The following ROBO2 variants were observed in gnomAD, a reference collection of about 807,000 sequenced individuals.
ROBO2 encodes the protein roundabout guidance receptor 2.
A neutral mutation model predicts 160.8 loss-of-function variants in ROBO2; 53 were observed. The ratio of observed to expected loss-of-function variants is 0.33; its 90% CI spans 0.26 to 0.41. The LOEUF (loss-of-function observed/expected upper bound fraction) is 0.41, where lower values mean the gene tolerates loss of function less well. Ranked by LOEUF, ROBO2 falls within the 10% of genes least tolerant of loss-of-function variation. The pLI is 1.00. For missense variants in ROBO2, 1,577 were observed against 1,722.4 expected (o/e 0.92, Z 1.49); for synonymous variants, 664 against 611.7 (o/e 1.09, Z -1.26).
intron 2 of ROBO2, among the ~76,000 whole-genome samples, chr3:75,965,246 G>A (rs1419968412): frequency 6.6e-6 from 1 of 151,722 alleles, no homozygotes; most frequent in African/African-American, 2.4e-5. Flanking sequence ...TTTCACTACT[G>A]TTTAAACCCA....
chr3:76,593,805 A>G lies in ROBO2; in HGVS notation c.110-504209A>G, dbSNP rs184971455. Among the ~76,000 whole-genome samples the G allele has an allele frequency of 4.6e-5, 7 of 152,006 alleles. No homozygotes were observed. In the East Asian group the frequency reaches 1.2e-3, roughly 25 times the overall value. ...TAGCAGCTTCATGTTTATTTATTAT[A>G]TTTTTGGAGATGTTTTACTAGATGC... On this transcript the variant is annotated intron_variant, in intron 2 of 26. Coordinates refer to the ROBO2 transcript ENST00000487694.
At position 76,040,918 on chromosome 3, in the gene ROBO2, G is replaced by A. The variant is rs899981671; in HGVS notation, c.109+103316G>A. On this transcript the variant is annotated intron_variant, in intron 2 of 26. Transcript: ENST00000487694. The stretch of plus-strand genomic sequence containing the variant: ...GGCAGGAGAATTGCTTGAACTGGGA[G>A]GGGGAGGTTGCAGTGAGCTGAGATC... 2.0e-5 allele frequency among the ~76,000 whole-genome samples: 3 copies of A among 151,996 alleles called. No homozygotes were observed. The South Asian group carries it at 6.2e-4, about 31-fold the overall frequency.
chr3:76,941,846 T>G (rs2078209267), intron 2 of ROBO2, among the ~76,000 whole-genome samples: 2 of 152,304 alleles, frequency 1.3e-5, no homozygotes, highest in East Asian at 3.9e-4. Context: ...CCTAGTAAAT[T>G]TACTTTGACT....
At chr3:77,129,050 C>T (rs760370085) in intron 2 of ROBO2, among the ~76,000 whole-genome samples, 2 of 151,820 alleles carry the variant, frequency 1.3e-5, no homozygotes, top group Non-Finnish European at 2.9e-5. Flanking sequence ...TTGTGAATTG[C>T]CTATTTATGT....
chr3:76,913,208 T>C (rs948290404), intron 2 of ROBO2, among the ~76,000 whole-genome samples: 1 of 152,144 alleles, frequency 6.6e-6, no homozygotes, highest in Non-Finnish European at 1.5e-5. Flanking sequence ...CCCATAAAAC[T>C]GCCCGAGTTG....
chr3:77,276,860 A>G (rs1305776855), intron 2 of ROBO2, among the ~76,000 whole-genome samples: 1 of 152,206 alleles, frequency 6.6e-6, no homozygotes, highest in Non-Finnish European at 1.5e-5. Context: ...ACATGGTGGC[A>G]GGCAAGAGAT....
chr3:76,379,373 C>T (rs931891713), intron 2 of ROBO2, among the ~76,000 whole-genome samples: 5 of 151,886 alleles, frequency 3.3e-5, no homozygotes, highest in Non-Finnish European at 5.9e-5. Flanking sequence ...ATATTTTTAA[C>T]ATAAAAAATA....
At chr3:77,169,300 A>G (rs529899880) in intron 2 of ROBO2, among the ~76,000 whole-genome samples, 6 of 152,342 alleles carry the variant, frequency 3.9e-5, no homozygotes, top group Non-Finnish European at 7.3e-5. Context: ...TTAGCCAATT[A>G]TCTTAGATAC....
intron 2 of ROBO2, among the ~76,000 whole-genome samples, chr3:76,418,669 T>C (rs1035523452): frequency 2.0e-5 from 3 of 151,832 alleles, no homozygotes; most frequent in African/African-American, 7.3e-5. Flanking sequence ...AAAAATTTTA[T>C]GTTTCAACCT....
chr3:76,415,854 A>G (rs1367670213), intron 2 of ROBO2, among the ~76,000 whole-genome samples: 1 of 152,188 alleles, frequency 6.6e-6, no homozygotes, highest in Admixed American at 6.5e-5. Flanking sequence ...CACTGCCTGA[A>G]TTTATCTTCA....
chr3:76,326,003 T>C (rs2072984811), intron 2 of ROBO2, among the ~76,000 whole-genome samples: 3 of 152,142 alleles, frequency 2.0e-5, no homozygotes, highest in Non-Finnish European at 2.9e-5. Flanking sequence ...AAAAATGATA[T>C]CAGGAACATT....
At chr3:76,433,737 A>G (rs1326654026) in intron 2 of ROBO2, among the ~76,000 whole-genome samples, 2 of 152,212 alleles carry the variant, frequency 1.3e-5, no homozygotes, top group Non-Finnish European at 2.9e-5. Flanking sequence ...GAACACGCAT[A>G]ATAGCCAAGC....
At chr3:76,959,947 C>A (rs1175946108) in intron 2 of ROBO2, among the ~76,000 whole-genome samples, 6 of 150,332 alleles carry the variant, frequency 4.0e-5, no homozygotes, top group African/African-American at 1.5e-4. Context: ...ATAATTTATC[C>A]ATCTTTTTTT....
intron 2 of ROBO2, among the ~76,000 whole-genome samples, chr3:77,456,121 A>G (rs541744067): frequency 1.3e-5 from 2 of 152,338 alleles, no homozygotes; most frequent in African/African-American, 4.8e-5. Context: ...ATATGCCATA[A>G]TATCATAGCA....
At chr3:76,453,312 C>T (rs937374860) in intron 2 of ROBO2, among the ~76,000 whole-genome samples, 1 of 152,120 alleles carries the variant, frequency 6.6e-6, no homozygotes. Flanking sequence ...GTTTTTAGCT[C>T]TAACGTTTAA....
At chr3:77,597,036 A>G (rs2094321411) in intron 19 of ROBO2, among the ~76,000 whole-genome samples, 1 of 152,076 alleles carries the variant, frequency 6.6e-6, no homozygotes, top group Middle Eastern at 3.2e-3. Flanking sequence ...GTACAAGATT[A>G]CTGAACTCAG....
At chr3:77,367,050 G>C (rs1384967074) in intron 2 of ROBO2, among the ~76,000 whole-genome samples, 2 of 152,108 alleles carry the variant, frequency 1.3e-5, no homozygotes, top group Admixed American at 6.5e-5. Flanking sequence ...AAGTTGTATT[G>C]TGTTATGACA....
intron 2 of ROBO2, among the ~76,000 whole-genome samples, chr3:76,014,537 GATGGCTT>G (rs1375604374): frequency 2.6e-3 from 37 of 14,144 alleles, no homozygotes; most frequent in Admixed American, 9.8e-3. Flanking sequence ...GACTGGGCAC[GATGGCTT>G]GTGCGTGTAA....
intron 2 of ROBO2, among the ~76,000 whole-genome samples, chr3:77,242,137 T>G (rs555921607): frequency 3.9e-5 from 6 of 152,210 alleles, no homozygotes; most frequent in Non-Finnish European, 7.3e-5. Flanking sequence ...TGGCAGGGAC[T>G]ATTAGTGTTA....
Sources: gnomAD v4.1 joint callset for allele counts (sites outside exome capture counted in the v4.1 genomes callset) on GRCh38, gnomAD v4.1.1 for gene constraint, MANE v1.5 for transcripts, NCBI Gene and HGNC (gene_info 2026-07-23, HGNC 2026-07-21) for gene names.